Variants in NSG2 observed in about 807,000 individuals in gnomAD.
NSG2 encodes neuronal vesicle trafficking associated 2.
In NSG2, 4 loss-of-function variants were observed where a neutral mutation model predicts 16.9. The ratio of observed to expected loss-of-function variants is 0.24; its 90% CI spans 0.12 to 0.54. The LOEUF is 0.54. Among genes scored for constraint, NSG2 ranks in the 20% least tolerant of loss-of-function variants. The probability of loss-of-function intolerance (pLI) is 0.95; values close to 1 mark genes in which losing one functional copy is unlikely to be tolerated. For missense variants in NSG2, 179 were observed against 221.1 expected (o/e 0.81, Z 1.21); for synonymous variants, 98 against 88.7 (o/e 1.11, Z -0.59).
chr5:174,048,936 C>A (rs1407650170), intron 2 of NSG2, among the ~76,000 whole-genome samples: 1 of 152,308 alleles, frequency 6.6e-6, no homozygotes, highest in South Asian at 2.1e-4. Context: ...CAGTCTTTCA[C>A]CAGGGTGGCC....
At chr5:174,091,763 T>G (rs1463910554) in intron 3 of NSG2, among the ~76,000 whole-genome samples, 2 of 151,396 alleles carry the variant, frequency 1.3e-5, no homozygotes, top group Non-Finnish European at 2.9e-5. Context: ...GCCAAGGAAA[T>G]AATACGTGTT....
chr5:174,087,703 G>C (rs748053963), intron 3 of NSG2, among the ~76,000 whole-genome samples: 3 of 151,768 alleles, frequency 2.0e-5, no homozygotes, highest in Non-Finnish European at 4.4e-5. Context: ...TGGGAGGATC[G>C]CTTGTGCCTG....
At chr5:174,091,427 T>G (rs1458789849) in intron 3 of NSG2, 1 of 152,394 alleles carries the variant, frequency 6.6e-6, no homozygotes, top group Non-Finnish European at 1.5e-5. Context: ...GCTCATGGAC[T>G]GCTAGGGCAG....
intron 3 of NSG2, 97 bp from the exon 4 acceptor site, chr5:174,104,131 C>T (rs1760941665): frequency 1.2e-6 from 1 of 831,292 alleles, no homozygotes. Context: ...CTTTCTAGCA[C>T]ACCATGCTGC....
At chr5:174,082,778 A>G (rs1378521819) in intron 3 of NSG2, among the ~76,000 whole-genome samples, 1 of 152,200 alleles carries the variant, frequency 6.6e-6, no homozygotes. Flanking sequence ...ATGAAGTACT[A>G]TGGGGTATGG....
intron 2 of NSG2, among the ~76,000 whole-genome samples, chr5:174,050,585 C>T (rs551195173): frequency 9.9e-5 from 15 of 152,172 alleles, no homozygotes; most frequent in African/African-American, 3.4e-4. Context: ...ACTTGATGTT[C>T]CAACTTTTTT....
At position 174,107,615 on chromosome 5, in the gene NSG2, G is replaced by A. The variant is rs1281416202; in HGVS notation, c.*110G>A. ...GTACTCCTGGGATATGGGGGCGGGG[G>A]CGGGGCAGGGCAGGGTGGGGGGAAG... On this transcript the variant is annotated 3_prime_UTR_variant, in exon 5 of 5. Transcript: ENST00000303177. This position sits in a 1 kb window ranked among gnomAD's most constrained non-coding sequence, Gnocchi z 4.5. 1.0e-6 allele frequency: 1 copy of A among 986,740 alleles called. No homozygotes were observed. The allele number at this position is 986,740 out of a possible 1,614,324, so 61.1% of individuals were successfully genotyped here. A position where few individuals can be genotyped will look rare whatever the true frequency, so the allele number is the denominator to read the frequency against.
chr5:174,102,772 T>G (rs1760919098), intron 3 of NSG2, among the ~76,000 whole-genome samples: 1 of 149,952 alleles, frequency 6.7e-6, no homozygotes, highest in African/African-American at 2.4e-5. Flanking sequence ...ATTTATTTAT[T>G]TATTTATTTA....
At position 174,107,019 on chromosome 5, in the gene NSG2, T is replaced by G. The variant is rs1581246577; in HGVS notation, c.325-295T>G. Among the ~76,000 whole-genome samples the G allele has an allele frequency of 6.6e-6, 1 of 152,122 alleles. No homozygotes were observed. Among genetic ancestry groups the G allele is most frequent in the Non-Finnish European group, 1.5e-5 (1 of 67,998 alleles). ...GAATCAGCCAGATAGAGGGAGTCTG[T>G]GGGGGTCTCTACAGCATCCACTACA... On this transcript the variant is annotated intron_variant, in intron 4 of 4. Transcript: ENST00000303177. The surrounding 1 kb of genome is among the most constrained non-coding windows in gnomAD (Gnocchi z 4.5).
intron 3 of NSG2, among the ~76,000 whole-genome samples, chr5:174,097,256 G>A (rs753120316): frequency 3.9e-5 from 6 of 152,022 alleles, no homozygotes; most frequent in Non-Finnish European, 8.8e-5. Flanking sequence ...GGAATCTTGG[G>A]TGCATCTTCA....
chr5:174,080,306 T>TTA (rs1266575985), intron 3 of NSG2, among the ~76,000 whole-genome samples: 6 of 148,474 alleles, frequency 4.0e-5, no homozygotes, highest in Non-Finnish European at 5.9e-5. Context: ...TTTATATATG[T>TTA]TATATATATA....
At chr5:174,058,430 AAAAC>A (rs1013818942) in intron 2 of NSG2, among the ~76,000 whole-genome samples, 4 of 152,162 alleles carry the variant, frequency 2.6e-5, no homozygotes, top group African/African-American at 4.8e-5. Context: ...GACTCTGTAA[AAAAC>A]AAACAAACAA....
At chr5:174,084,774 G>T (rs938034343) in intron 3 of NSG2, among the ~76,000 whole-genome samples, 1 of 152,190 alleles carries the variant, frequency 6.6e-6, no homozygotes. Context: ...ACAAACAGGG[G>T]ACCCAATTTG....
intron 2 of NSG2, among the ~76,000 whole-genome samples, chr5:174,048,898 C>A (rs980918225): frequency 2.0e-5 from 3 of 152,182 alleles, no homozygotes; most frequent in Admixed American, 6.5e-5. Context: ...TCCAGGGCAC[C>A]CAGTTTGACA....
intron 3 of NSG2, among the ~76,000 whole-genome samples, chr5:174,077,299 C>T (rs1760361386): frequency 6.6e-6 from 1 of 152,136 alleles, no homozygotes; most frequent in Non-Finnish European, 1.5e-5. Context: ...CATGTCAAGC[C>T]ACAGTCAGAG....
intron 3 of NSG2, among the ~76,000 whole-genome samples, chr5:174,095,343 G>A (rs890261989): frequency 6.6e-6 from 1 of 152,198 alleles, no homozygotes; most frequent in Non-Finnish European, 1.5e-5. Context: ...AGTTCAGGGT[G>A]TCAGACATCC....
intron 2 of NSG2, among the ~76,000 whole-genome samples, chr5:174,048,098 G>C (rs1759830243): frequency 6.6e-6 from 1 of 152,222 alleles, no homozygotes; most frequent in African/African-American, 2.4e-5. Context: ...GGCAGACAGA[G>C]AGAATTCTTA....
chr5:174,046,624 T>C (rs1438356487), intron 1 of NSG2, 110 bp from the exon 2 acceptor site: 4 of 894,780 alleles, frequency 4.5e-6, no homozygotes, highest in Middle Eastern at 3.5e-4. Flanking sequence ...GATCACTAGA[T>C]TGAAAGCCAC....
chr5:174,088,267 G>A (rs1328890743), intron 3 of NSG2, among the ~76,000 whole-genome samples: 1 of 152,184 alleles, frequency 6.6e-6, no homozygotes, highest in Non-Finnish European at 1.5e-5. Context: ...CACAAAAGTT[G>A]TTCAAAGTCG....
Sources: allele counts gnomAD v4.1 joint callset (sites outside exome capture counted in the v4.1 genomes callset), GRCh38; gene constraint gnomAD v4.1.1; non-coding constraint Gnocchi (gnomAD v3.1); transcripts MANE v1.5; gene names NCBI Gene and HGNC (gene_info 2026-07-23, HGNC 2026-07-21).